Variants in GRAMD1B observed in about 807,000 individuals in gnomAD.
GRAMD1B encodes protein Aster-B.
A neutral mutation model predicts 99.7 loss-of-function variants in GRAMD1B; 37 were observed. That is an observed-to-expected ratio of 0.37 (90% CI 0.29 to 0.49). The LOEUF (loss-of-function observed/expected upper bound fraction) is 0.49, where lower values mean the gene tolerates loss of function less well. GRAMD1B is among the 20% of genes least tolerant of loss of function. The pLI, the probability that GRAMD1B is intolerant of heterozygous loss-of-function variation, is 0.98. For synonymous variants in GRAMD1B, 427 were observed against 387.6 expected (o/e 1.10, Z -1.19); for missense variants, 888 against 1,009.2 (o/e 0.88, Z 1.63).
chr11:123,389,021 T>C (rs1947176307), intron 1 of GRAMD1B, among the ~76,000 whole-genome samples: 1 of 152,060 alleles, frequency 6.6e-6, no homozygotes, highest in Non-Finnish European at 1.5e-5. Flanking sequence ...GTGCTGACAA[T>C]GGCACATTAC....
chr11:123,494,375 T>A (rs570727062), intron 2 of GRAMD1B, among the ~76,000 whole-genome samples: 1 of 152,136 alleles, frequency 6.6e-6, no homozygotes, highest in African/African-American at 2.4e-5. Context: ...CCTGCACATA[T>A]GCTTAGGGGG....
chr11:123,575,610 C>T (rs1449533218), intron 2 of GRAMD1B, among the ~76,000 whole-genome samples: 1 of 152,144 alleles, frequency 6.6e-6, no homozygotes, highest in East Asian at 1.9e-4. Flanking sequence ...TGAGTTGGCC[C>T]TAGAGCAAGG....
rs1338011553 is a variant in GRAMD1B at position 123,510,085 on chromosome 11, T to A, written c.452+29192T>A. The A allele has an allele frequency of 6.6e-6, 1 of 152,472 alleles. No individual in the cohort carries two copies. The highest frequency in any genetic ancestry group is 1.5e-5 in the Non-Finnish European group (1 of 68,232). 9.4% of individuals were successfully genotyped at this position (152,472 alleles called of 1,614,324 possible). A position where few individuals can be genotyped will look rare whatever the true frequency, so the allele number is the denominator to read the frequency against. ...TTTCTCTCCTTTTGCATTCTCCACCTTGCCGTGCCAGGCTCCGGCTTTGTG... is the reference window on the plus strand; with the variant it reads ...TTTCTCTCCTTTTGCATTCTCCACCATGCCGTGCCAGGCTCCGGCTTTGTG... On this transcript the variant is annotated intron_variant, in intron 2 of 19. Coordinates refer to ENST00000635736, the MANE Select transcript of GRAMD1B (RefSeq NM_001387025.1). The surrounding 1 kb of genome is among the most constrained non-coding windows in gnomAD (Gnocchi z 4.3).
intron 2 of GRAMD1B, among the ~76,000 whole-genome samples, chr11:123,572,616 T>A (rs906670791): frequency 1.3e-5 from 2 of 152,088 alleles, no homozygotes; most frequent in Non-Finnish European, 2.9e-5. Flanking sequence ...GGTGGGGACA[T>A]GTAAGGGGTA....
At chr11:123,560,383 T>G in intron 2 of GRAMD1B, 1 of 1,165,728 alleles carries the variant, frequency 8.6e-7, no homozygotes, top group Non-Finnish European at 1.1e-6. Context: ...CAGAGGGAGG[T>G]GGGGGAGAGG....
At position 123,608,754 on chromosome 11, in the gene GRAMD1B, A is replaced by G. The variant is rs1426446805; in HGVS notation, c.1609A>G (p.Thr537Ala). The G allele has an allele frequency of 6.4e-7, 1 of 1,552,550 alleles. No individual in the cohort carries two copies. The highest frequency in any genetic ancestry group is 8.7e-7 in the Non-Finnish European group (1 of 1,147,390). The change falls in exon 12 of 20, where the codon ACC becomes GCC. Residue 537 changes from threonine to alanine, a missense_variant. Thr to Ala is a moderately conservative substitution (Grantham distance 58). Coordinates refer to ENST00000635736, the MANE Select transcript of GRAMD1B (RefSeq NM_001387025.1). ...GGACAAGCTCTATGACCTCCTCTTC[A>G]CCAACTCGCCCTTCCAGCGGGATTT... is the stretch of plus-strand genomic sequence containing the variant. The part of the protein sequence containing the change: ...SVDKLYDLLF[T>A]NSPFQRDFME...
At chr11:123,549,331 T>C (rs1332934881) in intron 2 of GRAMD1B, among the ~76,000 whole-genome samples, 1 of 152,030 alleles carries the variant, frequency 6.6e-6, no homozygotes, top group Admixed American at 6.6e-5. Flanking sequence ...GATCACGAGG[T>C]CAGGAGATCG....
chr11:123,569,777 A>G (rs1947850753), intron 2 of GRAMD1B, among the ~76,000 whole-genome samples: 1 of 152,236 alleles, frequency 6.6e-6, no homozygotes, highest in Admixed American at 6.5e-5. Flanking sequence ...GTGTAACTGG[A>G]TAACAGGGTA....
chr11:123,391,733 G>A (rs1947288955), intron 1 of GRAMD1B, among the ~76,000 whole-genome samples: 1 of 152,194 alleles, frequency 6.6e-6, no homozygotes, highest in Non-Finnish European at 1.5e-5. Flanking sequence ...TGGGATTACA[G>A]GTGTGAGCCA....
intron 2 of GRAMD1B, among the ~76,000 whole-genome samples, chr11:123,526,355 C>A (rs1942744646): frequency 6.6e-6 from 1 of 152,164 alleles, no homozygotes; most frequent in Non-Finnish European, 1.5e-5. Flanking sequence ...TGCTGCACTG[C>A]TGCACTATTT....
chr11:123,578,387 C>T, intron 3 of GRAMD1B: 1 of 1,523,626 alleles, frequency 6.6e-7, no homozygotes, highest in Non-Finnish European at 8.8e-7. Flanking sequence ...TCCCAAATAC[C>T]TTCTTTGCAT....
At chr11:123,614,720 A>G (rs756427414) in intron 16 of GRAMD1B, 25 bp from the exon 17 acceptor site, 2 of 1,473,198 alleles carry the variant, frequency 1.4e-6, no homozygotes, top group African/African-American at 1.4e-5. Flanking sequence ...CACCATGGTG[A>G]TGGTCTCTTT....
At chr11:123,552,122 C>T (rs1945672393) in intron 2 of GRAMD1B, among the ~76,000 whole-genome samples, 1 of 152,060 alleles carries the variant, frequency 6.6e-6, no homozygotes, top group Admixed American at 6.5e-5. Flanking sequence ...GAGAAGAACA[C>T]TTTTAGAGTC....
chr11:123,472,939 T>G (rs1951086454), intron 1 of GRAMD1B, among the ~76,000 whole-genome samples: 1 of 152,234 alleles, frequency 6.6e-6, no homozygotes, highest in Non-Finnish European at 1.5e-5. Flanking sequence ...AGCTTGCTTG[T>G]CTATGTCTGC....
intron 2 of GRAMD1B, chr11:123,526,103 A>G (rs1942700218): frequency 2.5e-6 from 4 of 1,583,748 alleles, no homozygotes; most frequent in Non-Finnish European, 3.5e-6. Context: ...CGGAGCTGTA[A>G]CGGGGATGCT....
chr11:123,375,190 C>A (rs1200320943), intron 1 of GRAMD1B, among the ~76,000 whole-genome samples: 2 of 152,130 alleles, frequency 1.3e-5, no homozygotes, highest in African/African-American at 4.8e-5. Flanking sequence ...GTTATTTTTA[C>A]TGGTTTGCAG....
intron 2 of GRAMD1B, among the ~76,000 whole-genome samples, chr11:123,556,975 C>T (rs928165061): frequency 5.3e-5 from 8 of 152,184 alleles, no homozygotes; most frequent in South Asian, 2.1e-4. Context: ...TCTTTTCACA[C>T]GCAATGTAAT....
intron 1 of GRAMD1B, among the ~76,000 whole-genome samples, chr11:123,383,260 T>A (rs1946946204): frequency 6.6e-6 from 1 of 152,018 alleles, no homozygotes; most frequent in African/African-American, 2.4e-5. Context: ...TGCTTCTTTC[T>A]CCCTGTGGTA....
chr11:123,594,667 C>T, intron 5 of GRAMD1B, 68 bp from the exon 6 acceptor site: 2 of 809,184 alleles, frequency 2.5e-6, no homozygotes, highest in Non-Finnish European at 4.4e-6. Context: ...GATGACATGC[C>T]TACTCTGCAG....
Sources: allele counts gnomAD v4.1 joint callset (sites outside exome capture counted in the v4.1 genomes callset), GRCh38; gene constraint gnomAD v4.1.1; non-coding constraint Gnocchi (gnomAD v3.1); transcripts MANE v1.5; gene names NCBI Gene and HGNC (gene_info 2026-07-23, HGNC 2026-07-21).